ARB2A: variants seen among roughly 807,000 people sequenced by gnomAD.
The protein encoded by ARB2A is ARB2 cotranscriptional regulator A.
chr5:93,644,814 T>C, the ARB2A span, among the ~76,000 whole-genome samples: 121 of 152,206 alleles, frequency 7.9e-4, no homozygotes, highest in African/African-American at 8.2e-4. Context: ...CACGGTGATA[T>C]GATATGAAGC....
At chr5:93,921,578 G>A in the ARB2A span, among the ~76,000 whole-genome samples, 4 of 151,814 alleles carry the variant, frequency 2.6e-5, no homozygotes, top group Admixed American at 1.3e-4. Context: ...AGACAAAAGT[G>A]CCCAATTCTG....
At chr5:93,704,001 A>G in the ARB2A span, among the ~76,000 whole-genome samples, 2 of 152,146 alleles carry the variant, frequency 1.3e-5, no homozygotes, top group African/African-American at 2.4e-5. Flanking sequence ...ATGAGCTCTC[A>G]TGGGGCTGTT....
chr5:93,689,235 T>C, the ARB2A span, among the ~76,000 whole-genome samples: 110 of 152,296 alleles, frequency 7.2e-4, no homozygotes, highest in African/African-American at 2.6e-3. Flanking sequence ...CCCCTACACA[T>C]AATTTTACTC....
the ARB2A span, among the ~76,000 whole-genome samples, chr5:93,982,052 TA>T: frequency 6.6e-6 from 1 of 152,080 alleles, no homozygotes; most frequent in African/African-American, 2.4e-5. Context: ...ATCCATTTCA[TA>T]TTACTGGCCA....
chr5:93,858,871 G>A, the ARB2A span, among the ~76,000 whole-genome samples: 1 of 152,004 alleles, frequency 6.6e-6, no homozygotes, highest in Non-Finnish European at 1.5e-5. Flanking sequence ...GGAAAGAAGA[G>A]GAAAAAGAGG....
the ARB2A span, among the ~76,000 whole-genome samples, chr5:94,048,051 C>CTTTTTTTTT: frequency 3.3e-4 from 32 of 96,082 alleles, no homozygotes; most frequent in Non-Finnish European, 4.3e-4. Context: ...AATCGGTAAG[C>CTTTTTTTTT]TTTTTTTTTT....
At chr5:93,691,786 A>G in the ARB2A span, among the ~76,000 whole-genome samples, 1 of 152,140 alleles carries the variant, frequency 6.6e-6, no homozygotes, top group African/African-American at 2.4e-5. Context: ...GAAAGATCAG[A>G]TTACCCATAA....
At chr5:93,656,621 A>T in the ARB2A span, among the ~76,000 whole-genome samples, 1 of 152,172 alleles carries the variant, frequency 6.6e-6, no homozygotes, top group African/African-American at 2.4e-5. Flanking sequence ...GACACTGTTC[A>T]TTATTTTGAT....
chr5:94,059,360 T>A, the ARB2A span, among the ~76,000 whole-genome samples: 1 of 151,932 alleles, frequency 6.6e-6, no homozygotes, highest in Non-Finnish European at 1.5e-5. Flanking sequence ...TGGTTGCTCA[T>A]ACCTGTAATC....
the ARB2A span, among the ~76,000 whole-genome samples, chr5:93,624,875 T>C: frequency 6.6e-6 from 1 of 152,200 alleles, no homozygotes; most frequent in Non-Finnish European, 1.5e-5. Flanking sequence ...TTAAATATGT[T>C]TTACAGATAA....
chr5:93,921,116 C>T, the ARB2A span, among the ~76,000 whole-genome samples: 1 of 150,228 alleles, frequency 6.7e-6, no homozygotes, highest in Admixed American at 6.7e-5. Context: ...TTGTGGTTGC[C>T]CGCCATTTCA....
At chr5:94,087,795 CTG>C in the ARB2A span, among the ~76,000 whole-genome samples, 3 of 152,184 alleles carry the variant, frequency 2.0e-5, no homozygotes, top group African/African-American at 7.2e-5. Context: ...ACAAATTCCA[CTG>C]TGTTACCATT....
At chr5:93,746,556 T>C in the ARB2A span, among the ~76,000 whole-genome samples, 2 of 152,182 alleles carry the variant, frequency 1.3e-5, no homozygotes, top group African/African-American at 4.8e-5. Flanking sequence ...ATATTAAAAA[T>C]GGCTGCTTTG....
At chr5:93,975,711 A>G in the ARB2A span, among the ~76,000 whole-genome samples, 705 of 152,252 alleles carry the variant, frequency 4.6e-3, 5 homozygotes, top group African/African-American at 0.016. Context: ...CCTGAAACAC[A>G]CAACCTCCCA....
chr5:93,857,772 C>T, the ARB2A span, among the ~76,000 whole-genome samples: 4 of 152,308 alleles, frequency 2.6e-5, no homozygotes, highest in East Asian at 1.9e-4. Flanking sequence ...CTTCAGTTCA[C>T]GCATGGTGCG....
chr5:93,761,652 G>T, the ARB2A span, among the ~76,000 whole-genome samples: 2 of 152,200 alleles, frequency 1.3e-5, no homozygotes, highest in East Asian at 3.9e-4. Flanking sequence ...AAAACAAAAG[G>T]CAGCAGAATC....
At chr5:93,972,552 G>A in the ARB2A span, among the ~76,000 whole-genome samples, 5 of 152,026 alleles carry the variant, frequency 3.3e-5, no homozygotes, top group African/African-American at 9.6e-5. Context: ...AAAAGCCAGA[G>A]TGTTTCATCA....
chr5:93,931,126 G>T, the ARB2A span, among the ~76,000 whole-genome samples: 1 of 152,072 alleles, frequency 6.6e-6, no homozygotes, highest in Non-Finnish European at 1.5e-5. Flanking sequence ...GAGGATGATG[G>T]CTTCCATCTT....
At chr5:93,897,967 T>C in the ARB2A span, among the ~76,000 whole-genome samples, 8 of 152,078 alleles carry the variant, frequency 5.3e-5, no homozygotes, top group Non-Finnish European at 7.4e-5. Flanking sequence ...TCTTAATCCA[T>C]TGCTGTACCA....
Sources: gnomAD v4.1 joint callset for allele counts (sites outside exome capture counted in the v4.1 genomes callset) on GRCh38, gnomAD v4.1.1 for gene constraint, MANE v1.5 for transcripts, NCBI Gene and HGNC (gene_info 2026-07-23, HGNC 2026-07-21) for gene names.